Variants in COL5A1 observed in about 807,000 individuals in gnomAD.
COL5A1 encodes collagen alpha-1(V) chain.
A neutral mutation model predicts 263.7 loss-of-function variants in COL5A1; 16 were observed. The ratio of observed to expected loss-of-function variants is 0.06; its 90% CI spans 0.04 to 0.09. The LOEUF (loss-of-function observed/expected upper bound fraction) is 0.09, where lower values mean the gene tolerates loss of function less well. Among genes scored for constraint, COL5A1 ranks in the 10% least tolerant of loss-of-function variants. The pLI, the probability that COL5A1 is intolerant of heterozygous loss-of-function variation, is 1.00. For missense variants in COL5A1, 2,036 were observed against 2,540.5 expected (o/e 0.80, Z 4.27); for synonymous variants, 1,012 against 1,004.5 (o/e 1.01, Z -0.14).
intron 4 of COL5A1, among the ~76,000 whole-genome samples, chr9:134,726,563 A>T (rs1016854383): frequency 7.3e-5 from 11 of 151,400 alleles, no homozygotes; most frequent in African/African-American, 2.7e-4. Context: ...TAAGTGAATG[A>T]GTGGACAGAC....
intron 52 of COL5A1, among the ~76,000 whole-genome samples, chr9:134,816,822 C>T (rs557850380): frequency 4.9e-4 from 74 of 152,314 alleles, no homozygotes; most frequent in Middle Eastern, 3.4e-3. Flanking sequence ...GCAGAAAACC[C>T]GCAGGATGGG....
chr9:134,785,322 A>G lies in COL5A1; in HGVS notation c.2592+226A>G, dbSNP rs544513288. On this transcript the variant is annotated intron_variant, in intron 30 of 65. Coordinates refer to ENST00000371817, the MANE Select transcript of COL5A1 (RefSeq NM_000093.5). The stretch of plus-strand genomic sequence containing the variant: ...GTTCGCCCTTTCCCAGCCCTCCACC[A>G]TCGCCTTGGAAGGCTCCTTCCTCCC... Among the ~76,000 whole-genome samples, 9 of 151,888 alleles carry G rather than the reference A, an allele frequency of 5.9e-5. No homozygotes were observed. The South Asian group carries it at 1.0e-3, about 18-fold the overall frequency.
At position 134,641,819 on chromosome 9, in the gene COL5A1, C is replaced by T; in HGVS notation, c.-369C>T. 2.6e-6 allele frequency: 1 copy of T among 387,490 alleles called. No homozygotes were observed. The highest frequency in any genetic ancestry group is 4.6e-6 in the Non-Finnish European group (1 of 219,156). 24.0% of individuals were successfully genotyped at this position (387,490 alleles called of 1,614,324 possible). ...GAAGGCGAGGTCCGCACTCTCCGTC[C>T]CCGCGGCTGGCGCAGGACCTCACTC... is the stretch of plus-strand genomic sequence containing the variant. On this transcript the variant is annotated 5_prime_UTR_variant, in exon 1 of 66. Coordinates refer to ENST00000371817, the MANE Select transcript of COL5A1 (RefSeq NM_000093.5).
chr9:134,770,139 C>G (rs1836823132), intron 25 of COL5A1, among the ~76,000 whole-genome samples: 1 of 152,254 alleles, frequency 6.6e-6, no homozygotes, highest in Non-Finnish European at 1.5e-5. Flanking sequence ...CAGCCCCAGC[C>G]ATCTCCCACG....
At position 134,818,050 on chromosome 9, in the gene COL5A1, A is replaced by G. The variant is rs146586401; in HGVS notation, c.4230+219A>G. ...AAGACTGGGGCCGTCTGCCTTGCCC[A>G]CCTGAGGGAGGAGGCGGGTGGTGGG... On this transcript the variant is annotated intron_variant, in intron 54 of 65. Coordinates refer to ENST00000371817, the MANE Select transcript of COL5A1 (RefSeq NM_000093.5). This position sits in a 1 kb window ranked among gnomAD's most constrained non-coding sequence, Gnocchi z 6.0. Among the ~76,000 whole-genome samples, 758 of 152,242 alleles carry G rather than the reference A, an allele frequency of 5.0e-3. 3 individuals are homozygous for G. The highest frequency in any genetic ancestry group is 0.02 in the Middle Eastern group (6 of 294).
chr9:134,809,074 C>A, intron 42 of COL5A1, 109 bp from the exon 43 acceptor site: 1 of 986,352 alleles, frequency 1.0e-6, no homozygotes, highest in Non-Finnish European at 1.6e-6. Flanking sequence ...CGGTCACCCT[C>A]ACCAACTCCC....
rs1835825038 is a variant in COL5A1 at position 134,752,648 on chromosome 9, A to G, written c.1719+3A>G. ...TCACAGGGAGACCTGGCCCTGTGGT[A>G]AGTCATTGGCAAATCTGAGAGCTGG... On this transcript the variant is annotated splice_donor_region_variant and intron_variant, in intron 14 of 65. Transcript: ENST00000371817. The G allele has an allele frequency of 3.7e-6, 6 of 1,610,770 alleles. No individual in the cohort carries two copies. In the African/African-American group the frequency reaches 6.7e-5, roughly 18 times the overall value.
At chr9:134,833,687 C>T (rs1401099251) in intron 64 of COL5A1, among the ~76,000 whole-genome samples, 1 of 152,228 alleles carries the variant, frequency 6.6e-6, no homozygotes, top group Non-Finnish European at 1.5e-5. Flanking sequence ...GCTCGCCTCC[C>T]CTGAGCACCT....
chr9:134,832,597 TG>T (rs1839683386), intron 64 of COL5A1: 1 of 152,330 alleles, frequency 6.6e-6, no homozygotes, highest in Non-Finnish European at 1.5e-5. Flanking sequence ...CCATGGGCAC[TG>T]GGGGCTTCAG....
chr9:134,712,027 C>CCCCCCTTCTTCCTG (rs1178899836), intron 4 of COL5A1, among the ~76,000 whole-genome samples: 8 of 44,140 alleles, frequency 1.8e-4, no homozygotes, highest in South Asian at 8.5e-4. Flanking sequence ...CTCCTTCCTT[C>CCCCCCTTCTTCCTG]CCCCCTTCTT....
At chr9:134,788,004 T>G (rs1203760821) in intron 31 of COL5A1, among the ~76,000 whole-genome samples, 1 of 151,556 alleles carries the variant, frequency 6.6e-6, no homozygotes, top group Non-Finnish European at 1.5e-5. Flanking sequence ...AGTGGAGGGG[T>G]GTGGATAGGT....
In COL5A1 at chr9:134,765,533, A is replaced by G; in HGVS notation, c.2035-148A>G. ...GAGGCAGCGCAGCAGGCTGGGAGGG[A>G]GTCTGGGCCTCACTCCTGGGAGGCC... On this transcript the variant is annotated intron_variant, in intron 20 of 65. Coordinates refer to ENST00000371817, the MANE Select transcript of COL5A1 (RefSeq NM_000093.5). The surrounding 1 kb of genome is among the most constrained non-coding windows in gnomAD (Gnocchi z 5.1). 2.9e-6 allele frequency: 2 copies of G among 691,374 alleles called. No homozygotes were observed. Among genetic ancestry groups the G allele is most frequent in the South Asian group, 3.5e-5 (2 of 57,168 alleles). 42.8% of individuals were successfully genotyped at this position (691,374 alleles called of 1,614,324 possible).
rs754949268 is a variant in COL5A1 at position 134,690,986 on chromosome 9, T to C, written c.184T>C (p.Cys62Arg). Reference sequence around the variant, plus strand: ...TGGAATAACAAAGACAACAGGCTTTTGCGCCACGCGGCGATCTTCCAAAGG... The same window carrying C: ...TGGAATAACAAAGACAACAGGCTTTCGCGCCACGCGGCGATCTTCCAAAGG... ...PDGITKTTGF[C>R]ATRRSSKGPD... The change falls in exon 2 of 66, where the codon TGC becomes CGC. Residue 62 changes from cysteine (C) to arginine (R), a missense_variant. Around this residue, in one of 3 missense-constraint regions of COL5A1, gnomAD observed 600 missense variants for 634.5 expected, o/e 0.95. Coordinates refer to ENST00000371817, the MANE Select transcript of COL5A1 (RefSeq NM_000093.5). 1 of 1,613,882 alleles carries C rather than the reference T, an allele frequency of 6.2e-7. No homozygotes were observed. Among genetic ancestry groups the C allele is most frequent in the South Asian group, 1.1e-5 (1 of 91,088 alleles).
intron 1 of COL5A1, among the ~76,000 whole-genome samples, chr9:134,679,316 CTAGGGGGCACTGCAGGGCTTAT>C (rs1832768132): frequency 1.2e-5 from 1 of 80,132 alleles, no homozygotes; most frequent in Admixed American, 1.4e-4. Flanking sequence ...GTGGGGCTGG[CTAGGGGGCACTGCAGGGCTTAT>C]TAGGGGGCAC....
chr9:134,662,306 C>T (rs935918481), intron 1 of COL5A1, among the ~76,000 whole-genome samples: 14 of 152,214 alleles, frequency 9.2e-5, no homozygotes, highest in African/African-American at 3.4e-4. Context: ...GGGCAGCTAC[C>T]CTCCCTGGGA....
chr9:134,766,670 T>C (rs1836677632), intron 22 of COL5A1, among the ~76,000 whole-genome samples, 172 bp downstream of exon 22: 1 of 152,190 alleles, frequency 6.6e-6, no homozygotes, highest in Non-Finnish European at 1.5e-5. Flanking sequence ...CTGGAGACTT[T>C]AGCATGATGG....
chr9:134,777,178 T>C (rs1245644673), intron 27 of COL5A1, among the ~76,000 whole-genome samples: 1 of 152,196 alleles, frequency 6.6e-6, no homozygotes, highest in Non-Finnish European at 1.5e-5. Context: ...CAGAGTCAAA[T>C]CCACCCCTCG....
At chr9:134,723,193 G>T (rs564338962) in intron 4 of COL5A1, among the ~76,000 whole-genome samples, 1 of 152,296 alleles carries the variant, frequency 6.6e-6, no homozygotes, top group South Asian at 2.1e-4. Flanking sequence ...CCCGACGACC[G>T]CCAACCCTCA....
intron 12 of COL5A1, 82 bp from the exon 13 acceptor site, chr9:134,750,707 GC>G: frequency 6.3e-7 from 1 of 1,594,008 alleles, no homozygotes; most frequent in Non-Finnish European, 8.6e-7. Context: ...CACTGGAGAG[GC>G]CTGTGGGCCC....
Sources: gnomAD v4.1 joint callset for allele counts (sites outside exome capture counted in the v4.1 genomes callset) on GRCh38, gnomAD v4.1.1 for gene constraint, gnomAD v4.1.1 regional missense constraint, Gnocchi (gnomAD v3.1) non-coding constraint, MANE v1.5 for transcripts, NCBI Gene and HGNC (gene_info 2026-07-23, HGNC 2026-07-21) for gene names.